USPL1: variants seen among roughly 807,000 people sequenced by gnomAD.
The protein encoded by USPL1 is SUMO-specific isopeptidase USPL1.
A neutral mutation model predicts 51.5 loss-of-function variants in USPL1; 27 were observed. That is an observed-to-expected ratio of 0.52 (90% CI 0.39 to 0.72). USPL1 has a LOEUF of 0.72. Ranked by LOEUF, USPL1 falls within the 30% of genes least tolerant of loss-of-function variation. The probability of loss-of-function intolerance (pLI) is 0.00; values close to 1 mark genes in which losing one functional copy is unlikely to be tolerated. For synonymous variants in USPL1, 451 were observed against 459.6 expected, an observed-to-expected ratio of 0.98 and a Z score of 0.24; for missense variants, 1,226 against 1,268.0, an observed-to-expected ratio of 0.97 and a Z score of 0.50.
chr13:30,629,528 T>G (rs1950771170), intron 3 of USPL1, among the ~76,000 whole-genome samples: 1 of 152,116 alleles, frequency 6.6e-6, no homozygotes, highest in Admixed American at 6.5e-5. Context: ...TTCACATGAT[T>G]ATGTGAGTTG....
rs551077000 is a variant in USPL1, at chr13:30,658,501, C to T, written c.2424C>T (p.Ala808=). ...GFKTKGINQK[A]SHVSKKARKS... ...AAACTAAAGGTATAAACCAGAAGGC[C>T]AGCCACGTATCCAAGAAAGCTCGTA... Residue 808 remains alanine, a synonymous_variant, in exon 9 of 9, where the codon GCC becomes GCT. Transcript: ENST00000255304. 3 of 1,613,906 alleles carry T rather than the reference C, an allele frequency of 1.9e-6. No homozygotes were observed. The highest frequency in any genetic ancestry group is 4.5e-5 in the East Asian group (2 of 44,890).
intron 3 of USPL1, among the ~76,000 whole-genome samples, chr13:30,626,346 A>AAATCAATC (rs1555247206): frequency 3.5e-5 from 5 of 140,930 alleles, no homozygotes; most frequent in Admixed American, 2.8e-4. Flanking sequence ...ATAAATAAAT[A>AAATCAATC]AATCAAAAGA....
chr13:30,649,496 A>G (rs539247017), intron 7 of USPL1, among the ~76,000 whole-genome samples: 5 of 152,344 alleles, frequency 3.3e-5, no homozygotes, highest in East Asian at 1.9e-4. Flanking sequence ...CCCCATTGGG[A>G]AAAGAGTCCA....
intron 8 of USPL1, among the ~76,000 whole-genome samples, chr13:30,653,987 G>A (rs1358538201): frequency 6.6e-6 from 1 of 152,156 alleles, no homozygotes; most frequent in Non-Finnish European, 1.5e-5. Context: ...GGGATGGTTT[G>A]AATGGATGAC....
At chr13:30,632,563 AC>A (rs1950821908) in intron 4 of USPL1, among the ~76,000 whole-genome samples, 1 of 151,484 alleles carries the variant, frequency 6.6e-6, no homozygotes, top group African/African-American at 2.4e-5. Flanking sequence ...ACAGGCGCCC[AC>A]CACCAGGCCC....
In USPL1 at chr13:30,632,406, ATTTTTTTT is replaced by A. The variant is rs60539080; in HGVS notation, c.868+950_868+957del. 9.6e-5 allele frequency among the ~76,000 whole-genome samples: 8 copies of A among 83,688 alleles called. No homozygotes were observed. In the East Asian group the frequency reaches 1.6e-3, roughly 17 times the overall value. The allele number at this position is 83,688 out of a possible 152,430, so 54.9% of individuals were successfully genotyped here. A position where few individuals can be genotyped will look rare whatever the true frequency, so the allele number is the denominator to read the frequency against. ...TTGGTTCCAAGTCTTTGCTATTGTG[ATTTTTTTT>A]TTTTTTTTTTTTTTTTTAAGACAGA... is the stretch of plus-strand genomic sequence containing the variant. On this transcript the variant is annotated intron_variant, in intron 4 of 8. Transcript: ENST00000255304.
At chr13:30,647,966 T>G (rs1566057523) in intron 7 of USPL1, among the ~76,000 whole-genome samples, 1 of 152,318 alleles carries the variant, frequency 6.6e-6, no homozygotes, top group East Asian at 1.9e-4. Context: ...CTTTTACTTT[T>G]CAAATTGATG....
rs752287774 is a variant in USPL1 at position 30,621,184 on chromosome 13, G to A, written c.44G>A (p.Gly15Glu). The change falls in exon 2 of 9, where the codon GGA becomes GAA. Residue 15 changes from glycine (G) to glutamate (E), a missense_variant. Transcript: ENST00000255304. ...PKIGNGLPVI[G>E]PGTDIGISSL... ...ATTGGAAATGGTTTGCCAGTGATTG[G>A]ACCAGGGACTGATATAGGGATATCT... is the stretch of plus-strand genomic sequence containing the variant. 8 of 1,608,382 alleles carry A rather than the reference G, an allele frequency of 5.0e-6. No homozygotes were observed. Among genetic ancestry groups the A allele is most frequent in the African/African-American group, 1.3e-5 (1 of 74,560 alleles).
intron 4 of USPL1, among the ~76,000 whole-genome samples, chr13:30,634,596 G>A (rs1319866624): frequency 6.6e-6 from 1 of 152,064 alleles, no homozygotes. Flanking sequence ...AAATATAACA[G>A]AATATTCATC....
Position 30,657,783 on chromosome 13 carries a change from G to A in USPL1, c.1706G>A (p.Gly569Glu). Residue 569 changes from glycine (G) to glutamate (E), a missense_variant, in exon 9 of 9, where the codon GGA (glycine) becomes GAA (glutamate). Gly to Glu is a moderately conservative substitution (Grantham distance 98). Coordinates refer to ENST00000255304, the MANE Select transcript of USPL1 (RefSeq NM_005800.5). The part of the protein sequence containing the change: ...TLSQDTAVTH[G>E]DHLLSGPKGL... Reference sequence around the variant, plus strand: ...TCACAGGACACAGCTGTAACTCATGGAGATCATTTACTTTCAGGTCCAAAA... The same window carrying A: ...TCACAGGACACAGCTGTAACTCATGAAGATCATTTACTTTCAGGTCCAAAA... 1 of 1,614,048 alleles carries A rather than the reference G, an allele frequency of 6.2e-7. No individual in the cohort carries two copies. Among genetic ancestry groups the A allele is most frequent in the African/African-American group, 1.3e-5 (1 of 75,038 alleles).
intron 3 of USPL1, among the ~76,000 whole-genome samples, chr13:30,629,137 A>G (rs1475011047): frequency 5.9e-5 from 9 of 152,310 alleles, no homozygotes; most frequent in African/African-American, 2.2e-4. Flanking sequence ...AGAAGAGGCT[A>G]TCTGAGGGGA....
chr13:30,641,066 T>C (rs1044698756), intron 5 of USPL1, among the ~76,000 whole-genome samples: 15 of 152,198 alleles, frequency 9.9e-5, no homozygotes, highest in Admixed American at 3.3e-4. Flanking sequence ...GGGGACATAT[T>C]GTTAGTTGCT....
intron 4 of USPL1, among the ~76,000 whole-genome samples, chr13:30,633,222 C>T (rs1950831166): frequency 6.6e-6 from 1 of 152,106 alleles, no homozygotes; most frequent in Non-Finnish European, 1.5e-5. Flanking sequence ...TTCATTACAG[C>T]ATATTGTTAT....
Position 30,637,769 on chromosome 13 carries a change from A to T in USPL1, c.894A>T (p.Ser298=). ...ATGGAGATTGTAAAAAACTTACCTC[A>T]GAAATATTTGCAGAGATAGAGACCT... The part of the protein sequence containing the change: ...VKDGDCKKLT[S]EIFAEIETCL... The change falls in exon 5 of 9, where the codon TCA becomes TCT. Residue 298 remains serine, a synonymous_variant. Coordinates refer to ENST00000255304, the MANE Select transcript of USPL1 (RefSeq NM_005800.5). 2 of 1,612,430 alleles carry T rather than the reference A, an allele frequency of 1.2e-6. No homozygotes were observed. Among genetic ancestry groups the T allele is most frequent in the Non-Finnish European group, 1.7e-6 (2 of 1,179,498 alleles).
intron 7 of USPL1, among the ~76,000 whole-genome samples, chr13:30,649,569 A>G (rs917341985): frequency 2.6e-5 from 4 of 152,210 alleles, no homozygotes; most frequent in African/African-American, 9.6e-5. Context: ...TAAGTTGTTT[A>G]GGAGTTACAT....
rs375465587 is a variant in USPL1, at chr13:30,646,995, C to G, written c.1176C>G (p.Ala392=). 272 of 1,613,496 alleles carry G rather than the reference C, an allele frequency of 1.7e-4. No individual in the cohort carries two copies. The highest frequency in any genetic ancestry group is 2.1e-4 in the Non-Finnish European group (253 of 1,179,706). ...CTGAGTGGCACCCACTTAATGCTGC[C>G]CATTTTGGTCCATGTAACAATTGCA... ...VIPEWHPLNA[A]HFGPCNNCNS... Residue 392 remains alanine (A), a synonymous_variant, in exon 7 of 9, where the codon GCC becomes GCG. Coordinates refer to ENST00000255304, the MANE Select transcript of USPL1 (RefSeq NM_005800.5).
chr13:30,651,580 A>G (rs984639558), intron 7 of USPL1, among the ~76,000 whole-genome samples: 1 of 152,242 alleles, frequency 6.6e-6, no homozygotes, highest in East Asian at 1.9e-4. Context: ...GTGAGATTTC[A>G]TATTCTAGGG....
intron 3 of USPL1, among the ~76,000 whole-genome samples, chr13:30,622,139 C>CT (rs532224924): frequency 5.3e-4 from 79 of 150,190 alleles, no homozygotes; most frequent in Non-Finnish European, 9.6e-4. Flanking sequence ...AGGTTTTTTT[C>CT]TTTTTTTTTA....
At chr13:30,650,261 C>G (rs1337081297) in intron 7 of USPL1, among the ~76,000 whole-genome samples, 17 of 152,112 alleles carry the variant, frequency 1.1e-4, no homozygotes, top group Admixed American at 1.1e-3. Flanking sequence ...TAAGTTTTAC[C>G]ATTTTAAAAA....
Sources: allele counts gnomAD v4.1 joint callset (sites outside exome capture counted in the v4.1 genomes callset), GRCh38; gene constraint gnomAD v4.1.1; transcripts MANE v1.5; gene names NCBI Gene and HGNC (gene_info 2026-07-23, HGNC 2026-07-21).